Variants in CAB39 observed in about 807,000 individuals in gnomAD.
The protein encoded by CAB39 is calcium-binding protein 39.
CAB39 carries 8 observed loss-of-function variants against 40.0 expected under a neutral mutation model. The ratio of observed to expected loss-of-function variants is 0.20; its 90% CI spans 0.12 to 0.36. The LOEUF is 0.36. Among genes scored for constraint, CAB39 ranks in the 10% least tolerant of loss-of-function variants. CAB39 has a pLI of 1.00. For synonymous variants in CAB39, 156 were observed against 141.6 expected, an observed-to-expected ratio of 1.10 and a Z score of -0.72; for missense variants, 270 against 401.1, an observed-to-expected ratio of 0.67 and a Z score of 2.79.
rs187747017 is a variant in CAB39, at chr2:230,793,114, A to G, written c.280-99A>G. The G allele has an allele frequency of 6.2e-6, 4 of 648,624 alleles. No individual in the cohort carries two copies. The East Asian group carries it at 8.0e-5, about 13-fold the overall frequency. The allele number at this position is 648,624 out of a possible 1,614,324, so 40.2% of individuals were successfully genotyped here. The stretch of plus-strand genomic sequence containing the variant: ...TGTTAAAGTCAGATATTCAGTCATA[A>G]CAATAAGTACAATGGCCTTATTCGA... On this transcript the variant is annotated intron_variant, in intron 3 of 8. Coordinates refer to ENST00000258418, the MANE Select transcript of CAB39 (RefSeq NM_016289.4).
At chr2:230,793,110 CATAACA>C in intron 3 of CAB39, 97 bp from the exon 4 acceptor site, 2 of 642,560 alleles carry the variant, frequency 3.1e-6, no homozygotes, top group Non-Finnish European at 5.7e-6. Context: ...GATATTCAGT[CATAACA>C]ATAAGTACAA....
At chr2:230,746,628 T>A (rs1694982509) in intron 1 of CAB39, among the ~76,000 whole-genome samples, 1 of 152,318 alleles carries the variant, frequency 6.6e-6, no homozygotes, top group South Asian at 2.1e-4. Flanking sequence ...CAGCTTTGTG[T>A]GTAGCAATAG....
At chr2:230,746,978 C>G (rs1210419273) in intron 1 of CAB39, among the ~76,000 whole-genome samples, 7 of 152,156 alleles carry the variant, frequency 4.6e-5, no homozygotes, top group Non-Finnish European at 1.0e-4. Context: ...ACATTATAAT[C>G]AAGATTTTAA....
intron 7 of CAB39, among the ~76,000 whole-genome samples, chr2:230,815,621 C>G (rs538240738): frequency 3.9e-5 from 6 of 152,222 alleles, no homozygotes; most frequent in Admixed American, 6.5e-5. Flanking sequence ...AGGTTATTGG[C>G]AAATCCATAA....
intron 2 of CAB39, among the ~76,000 whole-genome samples, chr2:230,776,422 A>G (rs760827446): frequency 1.3e-5 from 2 of 152,244 alleles, no homozygotes; most frequent in African/African-American, 4.8e-5. Flanking sequence ...GGGCTTGTTC[A>G]GATTTCACCA....
intron 5 of CAB39, among the ~76,000 whole-genome samples, chr2:230,803,816 A>G (rs759578529): frequency 9.2e-5 from 14 of 152,220 alleles, no homozygotes; most frequent in Non-Finnish European, 1.5e-4. Context: ...GAAAATGGCC[A>G]TACTGCCCAA....
intron 2 of CAB39, among the ~76,000 whole-genome samples, chr2:230,790,077 G>A (rs978418333): frequency 1.3e-5 from 2 of 151,846 alleles, no homozygotes; most frequent in African/African-American, 2.4e-5. Flanking sequence ...TACAAAAATC[G>A]GCCTGGCATG....
At chr2:230,786,705 T>G (rs13392274) in intron 2 of CAB39, among the ~76,000 whole-genome samples, 54,794 of 152,110 alleles carry the variant, frequency 0.36, 13,690 homozygotes, top group African/African-American at 0.71. Flanking sequence ...CTCCTACTTA[T>G]GGTCACTGGT....
chr2:230,772,802 A>G (rs1279054131), intron 2 of CAB39, among the ~76,000 whole-genome samples: 1 of 152,092 alleles, frequency 6.6e-6, no homozygotes, highest in Non-Finnish European at 1.5e-5. Context: ...GCAGCTTTTT[A>G]AACCAAACTC....
intron 1 of CAB39, among the ~76,000 whole-genome samples, chr2:230,730,262 C>T (rs1694663416): frequency 6.6e-6 from 1 of 152,050 alleles, no homozygotes; most frequent in Non-Finnish European, 1.5e-5. Context: ...GTGCACACCA[C>T]CACACCGAGT....
At chr2:230,800,745 T>C (rs1696076548) in intron 5 of CAB39, among the ~76,000 whole-genome samples, 1 of 152,082 alleles carries the variant, frequency 6.6e-6, no homozygotes, top group Non-Finnish European at 1.5e-5. Context: ...CCCGTCAGGA[T>C]GTGGTTGACA....
intron 8 of CAB39, 116 bp downstream of exon 8, chr2:230,818,013 C>A: frequency 6.6e-6 from 6 of 913,032 alleles, no homozygotes; most frequent in Non-Finnish European, 8.4e-6. Context: ...TAATTAAATT[C>A]AGTCACTTTT....
intron 6 of CAB39, 71 bp from the exon 7 acceptor site, chr2:230,813,978 C>CTTGTTTTTTTT: frequency 1.8e-5 from 2 of 111,334 alleles, no homozygotes; most frequent in Non-Finnish European, 3.1e-5. Flanking sequence ...ACCTACCAGT[C>CTTGTTTTTTTT]TTTTTTTTTT....
chr2:230,713,871 A>T (rs1694299990), intron 1 of CAB39: 1 of 152,366 alleles, frequency 6.6e-6, no homozygotes, highest in Admixed American at 6.5e-5. Flanking sequence ...ACGAGAACAC[A>T]AATAACTGCG....
At chr2:230,723,121 C>A (rs1694485893) in intron 1 of CAB39, among the ~76,000 whole-genome samples, 1 of 151,974 alleles carries the variant, frequency 6.6e-6, no homozygotes, top group Admixed American at 6.6e-5. Context: ...ATTTAGCTTT[C>A]TTGTAGTTTT....
chr2:230,782,813 C>CTTTCTTTCTT (rs1286339069), intron 2 of CAB39, among the ~76,000 whole-genome samples: 44 of 81,718 alleles, frequency 5.4e-4, no homozygotes, highest in Admixed American at 5.8e-4. Flanking sequence ...TTCTTTCTTT[C>CTTTCTTTCTT]TTTTTTTTTT....
chr2:230,755,755 G>A (rs1310396494), intron 1 of CAB39, among the ~76,000 whole-genome samples: 1 of 152,186 alleles, frequency 6.6e-6, no homozygotes, highest in East Asian at 1.9e-4. Context: ...TTAACCAGTG[G>A]ATTTGTGTTA....
At chr2:230,809,027 G>C (rs954230019) in intron 5 of CAB39, among the ~76,000 whole-genome samples, 4 of 152,214 alleles carry the variant, frequency 2.6e-5, no homozygotes, top group African/African-American at 9.7e-5. Flanking sequence ...AACCAGTGTA[G>C]AGTCACAGCT....
chr2:230,755,052 T>TATAC (rs1038639971), intron 1 of CAB39, among the ~76,000 whole-genome samples: 9 of 152,096 alleles, frequency 5.9e-5, no homozygotes, highest in African/African-American at 2.2e-4. Context: ...CCATCATATA[T>TATAC]ATACATACAT....
Sources: gnomAD v4.1 joint callset for allele counts (sites outside exome capture counted in the v4.1 genomes callset) on GRCh38, gnomAD v4.1.1 for gene constraint, MANE v1.5 for transcripts, NCBI Gene and HGNC (gene_info 2026-07-23, HGNC 2026-07-21) for gene names.